Variants in WDR7 observed in about 807,000 individuals in gnomAD.
The protein encoded by WDR7 is WD repeat domain 7.
WDR7 carries 46 observed loss-of-function variants against 169.4 expected under a neutral mutation model. That is an observed-to-expected ratio of 0.27 (90% CI 0.21 to 0.35). The LOEUF (loss-of-function observed/expected upper bound fraction) is 0.35, where lower values mean the gene tolerates loss of function less well. Ranked by LOEUF, WDR7 falls within the 10% of genes least tolerant of loss-of-function variation. The probability of loss-of-function intolerance (pLI) is 1.00; values close to 1 mark genes in which losing one functional copy is unlikely to be tolerated. For missense variants in WDR7, 1,534 were observed against 1,859.3 expected, an observed-to-expected ratio of 0.83 and a Z score of 3.22; for synonymous variants, 612 against 666.8, an observed-to-expected ratio of 0.92 and a Z score of 1.27.
intron 20 of WDR7, among the ~76,000 whole-genome samples, chr18:56,853,517 A>G (rs1476203005): frequency 6.6e-6 from 1 of 152,134 alleles, no homozygotes; most frequent in Non-Finnish European, 1.5e-5. Flanking sequence ...TTTATTTTCT[A>G]ATTTTAAATA....
rs115708149 is a variant in WDR7, at chr18:56,879,331, G to A, written c.3305-613G>A. Among the ~76,000 whole-genome samples the A allele has an allele frequency of 5.6e-3, 852 of 152,234 alleles. 11 individuals are homozygous for A. The highest frequency in any genetic ancestry group is 0.019 in the African/African-American group (809 of 41,542). Reference sequence around the variant, plus strand: ...CAGCCATTCTCATGGATGTGAAGTGGTATCTCATTGTGGTTTTGCTTTGCA... The same window carrying A: ...CAGCCATTCTCATGGATGTGAAGTGATATCTCATTGTGGTTTTGCTTTGCA... On this transcript the variant is annotated intron_variant, in intron 20 of 27. Transcript: ENST00000254442.
intron 22 of WDR7, among the ~76,000 whole-genome samples, chr18:56,930,654 C>T (rs1403920479): frequency 6.6e-6 from 1 of 152,162 alleles, no homozygotes; most frequent in Non-Finnish European, 1.5e-5. Flanking sequence ...CAAATATTAA[C>T]ATACCTGTTT....
In WDR7 at chr18:56,691,707, A is replaced by T; in HGVS notation, c.864-8A>T. Reference sequence around the variant, plus strand: ...TTTAATTGAATATTGTATTTTTCCCATATTCAGTTGCCTTCCAGCTAGTGA... The same window carrying T: ...TTTAATTGAATATTGTATTTTTCCCTTATTCAGTTGCCTTCCAGCTAGTGA... On this transcript the variant is annotated splice_polypyrimidine_tract_variant and splice_region_variant and intron_variant, in intron 8 of 27. Coordinates refer to ENST00000254442, the MANE Select transcript of WDR7 (RefSeq NM_015285.3). 1 of 1,603,060 alleles carries T rather than the reference A, an allele frequency of 6.2e-7. No homozygotes were observed. The highest frequency in any genetic ancestry group is 8.5e-7 in the Non-Finnish European group (1 of 1,176,702).
At chr18:56,730,561 T>C (rs1292375215) in intron 13 of WDR7, among the ~76,000 whole-genome samples, 3 of 151,798 alleles carry the variant, frequency 2.0e-5, no homozygotes, top group African/African-American at 7.3e-5. Flanking sequence ...GGTCAGGAGA[T>C]CGAGACCATC....
At chr18:56,670,700 G>A (rs531464506) in intron 1 of WDR7, among the ~76,000 whole-genome samples, 6 of 152,160 alleles carry the variant, frequency 3.9e-5, no homozygotes, top group African/African-American at 1.2e-4. Flanking sequence ...TAGCAGGGAC[G>A]GGGTTTCACC....
At chr18:56,747,759 G>T (rs182440069) in intron 14 of WDR7, among the ~76,000 whole-genome samples, 14 of 152,256 alleles carry the variant, frequency 9.2e-5, no homozygotes, top group African/African-American at 3.1e-4. Flanking sequence ...TGGCCACTGT[G>T]TGGAGAGAAT....
chr18:56,870,694 C>G (rs1419154662), intron 20 of WDR7, among the ~76,000 whole-genome samples: 2 of 152,098 alleles, frequency 1.3e-5, no homozygotes, highest in Non-Finnish European at 2.9e-5. Context: ...TGCTCTGTTG[C>G]CCAGGTTGAC....
At chr18:56,881,880 C>T (rs1341225811) in intron 21 of WDR7, among the ~76,000 whole-genome samples, 1 of 152,244 alleles carries the variant, frequency 6.6e-6, no homozygotes, top group South Asian at 2.1e-4. Flanking sequence ...GCCACTGCAC[C>T]TGGCTATAAC....
chr18:56,954,762 T>C (rs376153667), intron 25 of WDR7, among the ~76,000 whole-genome samples: 6 of 152,290 alleles, frequency 3.9e-5, no homozygotes, highest in African/African-American at 1.4e-4. Context: ...AAAAGTGTCA[T>C]TGGGGAAACG....
intron 26 of WDR7, among the ~76,000 whole-genome samples, chr18:57,018,153 T>A (rs918337172): frequency 6.6e-6 from 1 of 152,198 alleles, no homozygotes; most frequent in Non-Finnish European, 1.5e-5. Flanking sequence ...TAAGGAAGGA[T>A]GCTAATCTGA....
At chr18:56,726,227 A>G (rs1326553620) in intron 13 of WDR7, among the ~76,000 whole-genome samples, 5 of 152,168 alleles carry the variant, frequency 3.3e-5, no homozygotes, top group Non-Finnish European at 5.9e-5. Flanking sequence ...CATTGAATCT[A>G]TAAATTACCT....
intron 1 of WDR7, among the ~76,000 whole-genome samples, chr18:56,652,756 T>C (rs1213286921): frequency 6.6e-6 from 1 of 152,192 alleles, no homozygotes; most frequent in Non-Finnish European, 1.5e-5. Context: ...TTCAGAGAAA[T>C]ACTTTAAGAG....
chr18:56,888,816 G>A (rs569919586), intron 21 of WDR7, among the ~76,000 whole-genome samples: 84 of 152,268 alleles, frequency 5.5e-4, no homozygotes, highest in African/African-American at 1.9e-3. Context: ...AGCAGACTCC[G>A]AGGCAGATTT....
chr18:56,653,317 C>G (rs2024696404), intron 1 of WDR7, among the ~76,000 whole-genome samples: 1 of 152,088 alleles, frequency 6.6e-6, no homozygotes, highest in African/African-American at 2.4e-5. Context: ...AGCGATTCTC[C>G]TGCCTCAGCC....
chr18:56,893,076 A>G (rs543399006), intron 21 of WDR7, among the ~76,000 whole-genome samples: 1 of 152,062 alleles, frequency 6.6e-6, no homozygotes, highest in East Asian at 1.9e-4. Flanking sequence ...CCAGCCACCT[A>G]AAGTATATAC....
chr18:56,749,011 G>T (rs1041771468), intron 14 of WDR7, among the ~76,000 whole-genome samples: 36 of 150,086 alleles, frequency 2.4e-4, no homozygotes, highest in African/African-American at 8.4e-4. Flanking sequence ...CATTAATATT[G>T]TGCATATTTT....
rs1359325417 is a variant in WDR7, at chr18:56,970,981, G to A, written c.4164+8452G>A. The stretch of plus-strand genomic sequence containing the variant: ...AACTGTGGGTATTCTCATAAAAAAT[G>A]GAACTCCCAGCTGGGCGCAGTGGCT... On this transcript the variant is annotated intron_variant, in intron 26 of 27. Coordinates refer to ENST00000254442, the MANE Select transcript of WDR7 (RefSeq NM_015285.3). Among the ~76,000 whole-genome samples the A allele has an allele frequency of 2.0e-5, 3 of 152,184 alleles. No homozygotes were observed. The East Asian group carries it at 5.8e-4, about 29-fold the overall frequency.
chr18:57,020,286 A>G (rs1243358650), intron 26 of WDR7, among the ~76,000 whole-genome samples: 1 of 152,200 alleles, frequency 6.6e-6, no homozygotes, highest in Admixed American at 6.5e-5. Context: ...TATAATTATT[A>G]AGGAGATGAA....
chr18:56,687,369 C>T (rs2025464030), intron 7 of WDR7, among the ~76,000 whole-genome samples: 1 of 152,308 alleles, frequency 6.6e-6, no homozygotes, highest in South Asian at 2.1e-4. Flanking sequence ...TCTCATATCA[C>T]TTCAGAGCTA....
Sources: allele counts gnomAD v4.1 joint callset (sites outside exome capture counted in the v4.1 genomes callset), GRCh38; gene constraint gnomAD v4.1.1; transcripts MANE v1.5; gene names NCBI Gene and HGNC (gene_info 2026-07-23, HGNC 2026-07-21).